The following MYH15 variants were observed in gnomAD, a reference collection of about 807,000 sequenced individuals.
MYH15 encodes the protein myosin-15.
MYH15 carries 227 observed loss-of-function variants against 240.5 expected under a neutral mutation model. That is an observed-to-expected ratio of 0.94 (90% CI 0.85 to 1.05). The LOEUF (loss-of-function observed/expected upper bound fraction) is 1.05, where lower values mean the gene tolerates loss of function less well. MYH15 is among the 50% of genes least tolerant of loss of function. The probability of loss-of-function intolerance (pLI) is 0.00; values close to 1 mark genes in which losing one functional copy is unlikely to be tolerated. For missense variants in MYH15, 2,217 were observed against 2,247.5 expected, an observed-to-expected ratio of 0.99 and a Z score of 0.27; for synonymous variants, 785 against 796.7, an observed-to-expected ratio of 0.99 and a Z score of 0.25.
upstream of MYH15, among the ~76,000 whole-genome samples, chr3:108,532,818 G>C (rs1411869477): frequency 6.6e-6 from 1 of 152,192 alleles, no homozygotes; most frequent in Non-Finnish European, 1.5e-5. Context: ...AGGTGTACCA[G>C]GGAATAACAT....
Position 108,428,717 on chromosome 3 carries a change from C to T in MYH15, c.3477G>A (p.Gln1159=). ...GGTGCAGCTTCTGGAATTTGGTTTC[C>T]TGTTTCTTAGTTATTTCCAGCTGAG... ...SLAQLEITKK[Q]ETKFQKLHRD... Residue 1159 remains glutamine, a synonymous_variant, in exon 27 of 41, where the codon CAG becomes CAA. Coordinates refer to ENST00000693548, the MANE Select transcript of MYH15 (RefSeq NM_014981.3). 1 of 1,613,920 alleles carries T rather than the reference C, an allele frequency of 6.2e-7. No individual in the cohort carries two copies. The highest frequency in any genetic ancestry group is 8.5e-7 in the Non-Finnish European group (1 of 1,180,008).
At chr3:108,459,600 C>T (rs2083054022) in intron 17 of MYH15, 151 bp from the exon 18 acceptor site, 1 of 509,012 alleles carries the variant, frequency 2.0e-6, no homozygotes, top group East Asian at 3.4e-5. Context: ...TCTTTACTGC[C>T]TACCAAATGC....
intron 37 of MYH15, among the ~76,000 whole-genome samples, chr3:108,390,443 A>C (rs577300630): frequency 4.1e-4 from 63 of 152,230 alleles, no homozygotes; most frequent in African/African-American, 1.5e-3. Context: ...AGTTGGAAAA[A>C]CCAGTTTCAT....
Position 108,454,143 on chromosome 3 carries a change from C to G in MYH15, c.2263-1G>C, listed in dbSNP as rs767570944. ...CCAGAAACCCAGCTTTAAAAAACAC[C>G]TAAAGGAAAAGTCAGATGTTAGCTC... On this transcript the variant is annotated splice_acceptor_variant, in intron 20 of 40. Transcript: ENST00000693548. LOFTEE classifies it high-confidence loss of function. The G allele has an allele frequency of 5.0e-6, 8 of 1,607,146 alleles. No homozygotes were observed. The Admixed American group carries it at 1.3e-4, about 27-fold the overall frequency.
intron 30 of MYH15, among the ~76,000 whole-genome samples, chr3:108,413,225 T>C (rs2082608027): frequency 6.6e-6 from 1 of 152,216 alleles, no homozygotes; most frequent in African/African-American, 2.4e-5. Context: ...AAGCCAAAAC[T>C]TTCTGTGGTC....
intron 23 of MYH15, 75 bp downstream of exon 23, chr3:108,440,943 T>A (rs1295254472): frequency 6.4e-7 from 1 of 1,570,526 alleles, no homozygotes; most frequent in South Asian, 1.2e-5. Context: ...ATAGAGCAAG[T>A]CAGATACCAA....
In MYH15 at chr3:108,384,721, T is replaced by C; in HGVS notation, c.5597A>G (p.Lys1866Arg). The stretch of plus-strand genomic sequence containing the variant: ...GACTTGCTGCTTGTAATTTTGCACT[T>C]TTAGCTGAAGTTTATCCATCTGAGT... ...MQTQMDKLQL[K>R]VQNYKQQVEV... is the part of the protein sequence containing the mutation. Residue 1866 changes from lysine to arginine, a missense_variant, in exon 39 of 41, where the codon AAA becomes AGA. Coordinates refer to ENST00000693548, the MANE Select transcript of MYH15 (RefSeq NM_014981.3). The C allele has an allele frequency of 2.5e-6, 4 of 1,613,880 alleles. No individual in the cohort carries two copies. Among genetic ancestry groups the C allele is most frequent in the Non-Finnish European group, 3.4e-6 (4 of 1,179,878 alleles).
At chr3:108,411,310 C>G (rs1038521558) in intron 30 of MYH15, among the ~76,000 whole-genome samples, 1 of 152,204 alleles carries the variant, frequency 6.6e-6, no homozygotes, top group Non-Finnish European at 1.5e-5. Context: ...AAGCACCTTA[C>G]AAATCTGTAG....
intron 26 of MYH15, among the ~76,000 whole-genome samples, 164 bp downstream of exon 26, chr3:108,430,668 T>A (rs1560355149): frequency 6.6e-6 from 1 of 152,218 alleles, no homozygotes; most frequent in Non-Finnish European, 1.5e-5. Flanking sequence ...CTTAACTCTA[T>A]CTGTGGAATG....
chr3:108,396,405 C>G (rs2082461252), intron 35 of MYH15, among the ~76,000 whole-genome samples: 1 of 152,220 alleles, frequency 6.6e-6, no homozygotes, highest in Non-Finnish European at 1.5e-5. Flanking sequence ...ATTAGATTCT[C>G]CTAAGGAGCA....
At chr3:108,436,357 G>T (rs2082836011) in intron 25 of MYH15, among the ~76,000 whole-genome samples, 1 of 152,098 alleles carries the variant, frequency 6.6e-6, no homozygotes, top group Admixed American at 6.5e-5. Flanking sequence ...AAGGTCGCTT[G>T]TTTCATCGTT....
chr3:108,532,685 C>A (rs1038610745), upstream of MYH15, among the ~76,000 whole-genome samples: 1 of 152,144 alleles, frequency 6.6e-6, no homozygotes, highest in Non-Finnish European at 1.5e-5. Context: ...AGAACCTTGA[C>A]TAATATGTCA....
At chr3:108,420,965 T>C in intron 28 of MYH15, 123 bp downstream of exon 28, 4 of 1,377,196 alleles carry the variant, frequency 2.9e-6, no homozygotes, top group East Asian at 2.4e-5. Flanking sequence ...AGAGGCTGCA[T>C]TCCTCCCCTA....
chr3:108,436,015 T>C (rs560418587), intron 25 of MYH15, among the ~76,000 whole-genome samples: 8 of 152,284 alleles, frequency 5.3e-5, no homozygotes, highest in South Asian at 2.1e-4. Flanking sequence ...TTATAAATTG[T>C]ATGAGGTAGC....
chr3:108,456,114 A>T (rs949252945), intron 19 of MYH15, among the ~76,000 whole-genome samples: 22 of 152,130 alleles, frequency 1.4e-4, no homozygotes, highest in African/African-American at 4.8e-4. Flanking sequence ...CAGGGGCAGG[A>T]TTGGAAGAGG....
At chr3:108,386,343 T>C (rs1298916982) in intron 38 of MYH15, among the ~76,000 whole-genome samples, 1 of 152,130 alleles carries the variant, frequency 6.6e-6, no homozygotes, top group Non-Finnish European at 1.5e-5. Flanking sequence ...CTGGTGACCA[T>C]GACTATGCAC....
chr3:108,533,910 C>G (rs2083728783), upstream of MYH15, among the ~76,000 whole-genome samples: 3 of 152,174 alleles, frequency 2.0e-5, no homozygotes, highest in Admixed American at 6.5e-5. Context: ...AAAGCTAGGA[C>G]TGACCTGAGA....
intron 16 of MYH15, among the ~76,000 whole-genome samples, chr3:108,461,510 C>A (rs973544392): frequency 6.6e-6 from 1 of 152,124 alleles, no homozygotes; most frequent in Non-Finnish European, 1.5e-5. Flanking sequence ...CTGAACAATT[C>A]TTGTCTTTTA....
chr3:108,390,694 TTGTG>T (rs2082417105), intron 37 of MYH15, among the ~76,000 whole-genome samples: 1 of 152,228 alleles, frequency 6.6e-6, no homozygotes, highest in Admixed American at 6.5e-5. Context: ...TAATTCTTAC[TTGTG>T]TATGTTTAAT....
Sources: gnomAD v4.1 joint callset for allele counts (sites outside exome capture counted in the v4.1 genomes callset) on GRCh38, gnomAD v4.1.1 for gene constraint, MANE v1.5 for transcripts, NCBI Gene and HGNC (gene_info 2026-07-23, HGNC 2026-07-21) for gene names.